The following VPS35L variants were observed in gnomAD, a reference collection of about 807,000 sequenced individuals.
VPS35L encodes the protein VPS35 endosomal protein sorting factor like.
VPS35L carries 83 observed loss-of-function variants against 133.0 expected under a neutral mutation model. That is an observed-to-expected ratio of 0.62 (90% CI 0.52 to 0.75). VPS35L has a LOEUF of 0.75. Ranked by LOEUF, VPS35L falls within the 30% of genes least tolerant of loss-of-function variation. The pLI is 0.00. For missense variants in VPS35L, 1,083 were observed against 1,206.8 expected (o/e 0.90, Z 1.52); for synonymous variants, 423 against 449.9 (o/e 0.94, Z 0.76).
chr16:19,622,363 G>A (rs1288087482), intron 14 of VPS35L, among the ~76,000 whole-genome samples: 1 of 151,626 alleles, frequency 6.6e-6, no homozygotes, highest in East Asian at 2.0e-4. Context: ...GGCTGGTCTC[G>A]AAATCCTTAC....
intron 25 of VPS35L, among the ~76,000 whole-genome samples, chr16:19,651,062 G>A (rs1433301834): frequency 1.0e-3 from 155 of 152,170 alleles, no homozygotes; most frequent in Non-Finnish European, 1.5e-4. Flanking sequence ...TGTATTTTTA[G>A]TAGAGATGGG....
intron 24 of VPS35L, 39 bp from the exon 25 acceptor site, chr16:19,650,343 A>G (rs374711979): frequency 1.2e-4 from 174 of 1,498,888 alleles, no homozygotes; most frequent in South Asian, 1.6e-4. Context: ...TGAATCGGCC[A>G]TCGCTTCATT....
intron 8 of VPS35L, among the ~76,000 whole-genome samples, chr16:19,594,667 AAAAAGAAGAG>A (rs1972150167): frequency 6.7e-6 from 1 of 149,478 alleles, no homozygotes; most frequent in Admixed American, 6.7e-5. Flanking sequence ...AAAAAAAAAA[AAAAAGAAGAG>A]AAAAAAAATC....
At chr16:19,695,655 A>AT (rs1354065369) in intron 29 of VPS35L, among the ~76,000 whole-genome samples, 1 of 151,944 alleles carries the variant, frequency 6.6e-6, no homozygotes, top group African/African-American at 2.4e-5. Context: ...CTCTAAAAAA[A>AT]TTTTAAAAGT....
At chr16:19,608,847 T>C (rs998947282) in intron 10 of VPS35L, 127 bp from the exon 11 acceptor site, 1 of 683,900 alleles carries the variant, frequency 1.5e-6, no homozygotes, top group African/African-American at 1.8e-5. Context: ...GTTCGCTGGA[T>C]TGTTGAGGGC....
At chr16:19,616,866 C>T in intron 14 of VPS35L, 58 bp downstream of exon 14, 1 of 1,610,534 alleles carries the variant, frequency 6.2e-7, no homozygotes, top group Non-Finnish European at 8.5e-7. Context: ...CAGCCCCTGC[C>T]CACTGTGCCC....
In VPS35L at chr16:19,629,706, G is replaced by C. The variant is rs541840492; in HGVS notation, c.1501-61G>C. 39 of 1,484,900 alleles carry C rather than the reference G, an allele frequency of 2.6e-5. No individual in the cohort carries two copies. In the South Asian group the frequency reaches 2.9e-4, roughly 11 times the overall value. The allele number at this position is 1,484,900 out of a possible 1,614,324, so 92.0% of individuals were successfully genotyped here. A position where few individuals can be genotyped will look rare whatever the true frequency, so the allele number is the denominator to read the frequency against. ...TGAACAGAGCCAGCTGAAGCCTCCTGTTTGCTGTAATGCATACTATGTTGT... is the reference window on the plus strand; with the variant it reads ...TGAACAGAGCCAGCTGAAGCCTCCTCTTTGCTGTAATGCATACTATGTTGT... On this transcript the variant is annotated intron_variant, in intron 17 of 30. Coordinates refer to ENST00000417362, the MANE Select transcript of VPS35L (RefSeq NM_020314.7).
At chr16:19,625,800 A>G (rs1287072078) in intron 14 of VPS35L, among the ~76,000 whole-genome samples, 2 of 152,080 alleles carry the variant, frequency 1.3e-5, no homozygotes, top group Non-Finnish European at 2.9e-5. Context: ...TAGCCCTCTG[A>G]GTAGCTGGGA....
chr16:19,575,993 TAAAAAA>T (rs768432545), intron 5 of VPS35L, among the ~76,000 whole-genome samples: 2 of 82,942 alleles, frequency 2.4e-5, no homozygotes, highest in East Asian at 3.5e-4. Flanking sequence ...CCATCTCTAC[TAAAAAA>T]AAAAAAAAAA....
chr16:19,680,269 T>A (rs1975223354), intron 27 of VPS35L, among the ~76,000 whole-genome samples: 1 of 152,182 alleles, frequency 6.6e-6, no homozygotes. Context: ...TCATAGCCAC[T>A]TCAGTACCTG....
intron 9 of VPS35L, among the ~76,000 whole-genome samples, chr16:19,605,756 T>C (rs73533751): frequency 0.025 from 3,801 of 152,342 alleles, 156 homozygotes; most frequent in African/African-American, 0.086. Context: ...AGTCACTCTT[T>C]ATTCCAATAC....
intron 26 of VPS35L, among the ~76,000 whole-genome samples, chr16:19,663,543 C>G (rs1276704063): frequency 6.7e-6 from 1 of 150,092 alleles, no homozygotes; most frequent in African/African-American, 2.5e-5. Context: ...CCACCCTCCC[C>G]CCCGATTTTT....
rs1971292338 is a variant in VPS35L, at chr16:19,569,486, C to T, written c.180C>T (p.Ser60=). 2.5e-6 allele frequency: 4 copies of T among 1,609,974 alleles called. No homozygotes were observed. The highest frequency in any genetic ancestry group is 2.5e-6 in the Non-Finnish European group (3 of 1,178,192). The part of the protein sequence containing the change: ...RKGSTSSTSS[S]SSSSVVDPLS... ...GAAGCACTTCTTCCACGTCCTCCTC[C>T]TCCTCCAGCTCCGTGGTGGACCCGC... The change falls in exon 3 of 31, where the codon TCC becomes TCT. Residue 60 remains serine (S), a synonymous_variant. Transcript: ENST00000417362.
intron 1 of VPS35L, among the ~76,000 whole-genome samples, chr16:19,564,039 C>T (rs1019716551): frequency 6.6e-6 from 1 of 152,140 alleles, no homozygotes; most frequent in African/African-American, 2.4e-5. Flanking sequence ...TGGTGTGTGG[C>T]ATAACAAGTC....
At chr16:19,576,583 C>G (rs1220759228) in intron 5 of VPS35L, among the ~76,000 whole-genome samples, 3 of 152,158 alleles carry the variant, frequency 2.0e-5, no homozygotes, top group Non-Finnish European at 1.5e-5. Context: ...TCTGGAGCAA[C>G]TGACGGATCA....
chr16:19,602,011 TAA>T (rs1972399959), intron 9 of VPS35L, among the ~76,000 whole-genome samples: 1 of 152,112 alleles, frequency 6.6e-6, no homozygotes, highest in Non-Finnish European at 1.5e-5. Context: ...TGCTTGACTT[TAA>T]TATTTTTCCT....
Position 19,633,065 on chromosome 16 carries a change from C to G in VPS35L, c.1555-27C>G. On this transcript the variant is annotated intron_variant, in intron 18 of 30. Coordinates refer to ENST00000417362, the MANE Select transcript of VPS35L (RefSeq NM_020314.7). This position sits in a 1 kb window ranked among gnomAD's most constrained non-coding sequence, Gnocchi z 4.1. ...AGCAGTTGCCATACAGTGTCTAATT[C>G]AGGTTTGGTTCCTTTTTCCTGCTTA... 6.2e-7 allele frequency: 1 copy of G among 1,602,948 alleles called. No individual in the cohort carries two copies. The highest frequency in any genetic ancestry group is 8.5e-7 in the Non-Finnish European group (1 of 1,169,914).
intron 26 of VPS35L, among the ~76,000 whole-genome samples, chr16:19,666,927 T>TATTTCTTTCTTTCTTTCTTC (rs1974698248): frequency 4.0e-4 from 25 of 62,992 alleles, no homozygotes; most frequent in Non-Finnish European, 6.1e-4. Context: ...TTTCTTTCTT[T>TATTTCTTTCTTTCTTTCTTC]CTTTCTTCCT....
At chr16:19,614,943 T>TTA (rs1162170632) in intron 12 of VPS35L, among the ~76,000 whole-genome samples, 3 of 152,222 alleles carry the variant, frequency 2.0e-5, no homozygotes, top group Non-Finnish European at 2.9e-5. Flanking sequence ...ACCCAGTGGA[T>TTA]TATAGCATTG....
Sources: gnomAD v4.1 joint callset for allele counts (sites outside exome capture counted in the v4.1 genomes callset) on GRCh38, gnomAD v4.1.1 for gene constraint, Gnocchi (gnomAD v3.1) non-coding constraint, MANE v1.5 for transcripts, NCBI Gene and HGNC (gene_info 2026-07-23, HGNC 2026-07-21) for gene names.